AGBL1: variants seen among roughly 807,000 people sequenced by gnomAD.
AGBL1 encodes AGBL carboxypeptidase 1.
AGBL1 carries 130 observed loss-of-function variants against 118.9 expected under a neutral mutation model. That is an observed-to-expected ratio of 1.09 (90% CI 0.95 to 1.26). The LOEUF (loss-of-function observed/expected upper bound fraction) is 1.26. AGBL1 is among the 50% of genes most tolerant of loss of function. The pLI is 0.00. For synonymous variants in AGBL1, 555 were observed against 478.9 expected (o/e 1.16, Z -2.08); for missense variants, 1,584 against 1,298.1 (o/e 1.22, Z -3.38).
chr15:86,798,928 G>A (rs905013510), intron 22 of AGBL1, among the ~76,000 whole-genome samples: 1 of 151,938 alleles, frequency 6.6e-6, no homozygotes, highest in African/African-American at 2.4e-5. Flanking sequence ...TGGGGAAGAA[G>A]CTGGTTTGCT....
chr15:86,441,803 T>C (rs1029604229), intron 18 of AGBL1, among the ~76,000 whole-genome samples: 10 of 152,230 alleles, frequency 6.6e-5, no homozygotes, highest in African/African-American at 1.7e-4. Context: ...TCTGTCTGCA[T>C]TGATCACAGG....
At chr15:86,284,974 G>A (rs1420385297) in intron 16 of AGBL1, among the ~76,000 whole-genome samples, 2 of 152,056 alleles carry the variant, frequency 1.3e-5, no homozygotes, top group African/African-American at 4.8e-5. Context: ...TTTTTATAAA[G>A]AAACCCACCC....
At chr15:86,448,015 C>T (rs570131182) in intron 18 of AGBL1, among the ~76,000 whole-genome samples, 189 of 151,888 alleles carry the variant, frequency 1.2e-3, no homozygotes, top group Non-Finnish European at 2.0e-3. Context: ...GGTGGTGGCA[C>T]GGGCCTGTGG....
intron 18 of AGBL1, among the ~76,000 whole-genome samples, chr15:86,445,974 C>T (rs553418396): frequency 1.9e-3 from 293 of 152,252 alleles, no homozygotes; most frequent in African/African-American, 6.6e-3. Flanking sequence ...ATCATGTCGG[C>T]TTCCTCAGAA....
At chr15:86,407,319 C>CTGT (rs1567240976) in intron 18 of AGBL1, among the ~76,000 whole-genome samples, 1 of 152,122 alleles carries the variant, frequency 6.6e-6, no homozygotes, top group Non-Finnish European at 1.5e-5. Flanking sequence ...AGAAATTAAA[C>CTGT]TCAGGTTCAT....
intron 21 of AGBL1, among the ~76,000 whole-genome samples, chr15:86,652,933 G>A (rs2085399515): frequency 6.6e-6 from 1 of 152,166 alleles, no homozygotes; most frequent in Non-Finnish European, 1.5e-5. Context: ...AGTCAAGGAT[G>A]TTGCACAATT....
chr15:86,882,345 A>T (rs2079906078), intron 22 of AGBL1, among the ~76,000 whole-genome samples: 1 of 152,158 alleles, frequency 6.6e-6, no homozygotes. Context: ...GCGATGTTCA[A>T]ATCAAATAAT....
At chr15:86,113,485 C>T (rs1379123365) in intron 1 of AGBL1, among the ~76,000 whole-genome samples, 1 of 151,782 alleles carries the variant, frequency 6.6e-6, no homozygotes, top group Admixed American at 6.6e-5. Flanking sequence ...GGGGTTTCAC[C>T]ATGTTGGCCA....
intron 22 of AGBL1, among the ~76,000 whole-genome samples, chr15:86,748,987 A>G (rs912469748): frequency 7.2e-5 from 11 of 152,112 alleles, no homozygotes; most frequent in Non-Finnish European, 1.5e-4. Context: ...TGTCTTGGCA[A>G]TGTGGGCTCT....
At chr15:86,549,495 T>C (rs1458256621) in intron 20 of AGBL1, among the ~76,000 whole-genome samples, 1 of 151,980 alleles carries the variant, frequency 6.6e-6, no homozygotes, top group Non-Finnish European at 1.5e-5. Flanking sequence ...ATTCTGCAGA[T>C]TAATCCAGGA....
intron 21 of AGBL1, among the ~76,000 whole-genome samples, chr15:86,598,475 A>T (rs1341757489): frequency 6.6e-6 from 1 of 152,248 alleles, no homozygotes; most frequent in Non-Finnish European, 1.5e-5. Context: ...TGCAAAATCA[A>T]TATTAAAAAT....
intron 18 of AGBL1, among the ~76,000 whole-genome samples, chr15:86,472,298 A>T (rs1253247643): frequency 6.6e-6 from 1 of 152,188 alleles, no homozygotes; most frequent in Admixed American, 6.5e-5. Flanking sequence ...GGCTTTGGTG[A>T]TTACAAGACC....
chr15:86,709,631 C>A (rs577905889), intron 22 of AGBL1, among the ~76,000 whole-genome samples: 7 of 152,270 alleles, frequency 4.6e-5, no homozygotes, highest in Non-Finnish European at 8.8e-5. Context: ...ATAGCCAACA[C>A]AATCTTGTCT....
At chr15:86,542,586 T>G (rs886232390) in intron 19 of AGBL1, among the ~76,000 whole-genome samples, 2 of 152,094 alleles carry the variant, frequency 1.3e-5, no homozygotes, top group African/African-American at 4.8e-5. Flanking sequence ...CAGGCTGGTC[T>G]CGAACTCCTG....
rs141913771 is a variant in AGBL1, at chr15:86,566,157, C to T, written c.2994+11620C>T. Among the ~76,000 whole-genome samples the T allele has an allele frequency of 3.2e-3, 481 of 152,252 alleles. 5 individuals are homozygous for T. The highest frequency in any genetic ancestry group is 6.8e-3 in the Middle Eastern group (2 of 294). ...TGTCCTGCACCCACTGTCCTACAAGCCCCAGTGAGATGAACCCGGTACCTC... is the reference window on the plus strand; with the variant it reads ...TGTCCTGCACCCACTGTCCTACAAGTCCCAGTGAGATGAACCCGGTACCTC... On this transcript the variant is annotated intron_variant, in intron 21 of 22. Coordinates refer to ENST00000614907, the MANE Select transcript of AGBL1 (RefSeq NM_001386094.1).
intron 16 of AGBL1, among the ~76,000 whole-genome samples, chr15:86,285,288 G>T (rs779096564): frequency 6.6e-6 from 1 of 152,072 alleles, no homozygotes; most frequent in Non-Finnish European, 1.5e-5. Flanking sequence ...ATTTCATTGA[G>T]GGGTGCAGGG....
At chr15:86,344,094 C>T (rs754843727) in intron 17 of AGBL1, among the ~76,000 whole-genome samples, 3 of 152,216 alleles carry the variant, frequency 2.0e-5, no homozygotes, top group Non-Finnish European at 4.4e-5. Context: ...TGTAAATTAA[C>T]TGGAGGGCCA....
At chr15:86,279,052 G>A (rs750821493) in intron 15 of AGBL1, among the ~76,000 whole-genome samples, 9 of 152,180 alleles carry the variant, frequency 5.9e-5, no homozygotes, top group South Asian at 2.1e-4. Context: ...ATTTAGCTTT[G>A]AGCCCTTTGG....
chr15:86,134,479 G>A (rs1458751475), intron 1 of AGBL1, among the ~76,000 whole-genome samples: 1 of 152,100 alleles, frequency 6.6e-6, no homozygotes, highest in East Asian at 1.9e-4. Context: ...CTCAAAGTGC[G>A]AGGGGATGGA....
Sources: allele counts gnomAD v4.1 joint callset (sites outside exome capture counted in the v4.1 genomes callset), GRCh38; gene constraint gnomAD v4.1.1; transcripts MANE v1.5; gene names NCBI Gene and HGNC (gene_info 2026-07-23, HGNC 2026-07-21).